Variants in C2CD3 observed in about 807,000 individuals in gnomAD.
C2CD3 encodes the protein C2 domain-containing protein 3.
C2CD3 carries 148 observed loss-of-function variants against 234.0 expected under a neutral mutation model. That is an observed-to-expected ratio of 0.63 (90% CI 0.55 to 0.72). The LOEUF (loss-of-function observed/expected upper bound fraction) is 0.72. C2CD3 is among the 30% of genes least tolerant of loss of function. The probability of loss-of-function intolerance (pLI) is 0.00; values close to 1 mark genes in which losing one functional copy is unlikely to be tolerated. For missense variants in C2CD3, 2,577 were observed against 2,811.5 expected (o/e 0.92, Z 1.89); for synonymous variants, 1,000 against 1,035.4 (o/e 0.97, Z 0.66).
At chr11:74,135,099 T>C (rs558251241) in intron 5 of C2CD3, among the ~76,000 whole-genome samples, 47 of 152,250 alleles carry the variant, frequency 3.1e-4, no homozygotes, top group African/African-American at 1.1e-3. Flanking sequence ...ATGTGTGATG[T>C]GGCAATACAA....
In C2CD3 at chr11:74,074,447, G is replaced by A. The variant is rs755944632; in HGVS notation, c.4757C>T (p.Pro1586Leu). ...GAGCTGGACCTCATCATTCCTTCTGGGGAGCTGCTCAGACTCACTGTGGCT... is the reference window on the plus strand; with the variant it reads ...GAGCTGGACCTCATCATTCCTTCTGAGGAGCTGCTCAGACTCACTGTGGCT... ...CSSHSESEQL[P>L]RRNDEVQLSP... is the part of the protein sequence containing the mutation. Residue 1586 changes from proline (P) to leucine (L), a missense_variant, in exon 24 of 33, where the codon CCC becomes CTC. Coordinates refer to ENST00000334126, the MANE Select transcript of C2CD3 (RefSeq NM_001286577.2). 6.2e-7 allele frequency: 1 copy of A among 1,614,172 alleles called. No homozygotes were observed. The highest frequency in any genetic ancestry group is 2.2e-5 in the East Asian group (1 of 44,864).
At chr11:74,117,217 T>G (rs1354875006) in intron 9 of C2CD3, among the ~76,000 whole-genome samples, 1 of 106,900 alleles carries the variant, frequency 9.4e-6, no homozygotes, top group East Asian at 2.6e-4. Context: ...TATATGAATA[T>G]ATATATATGA....
At chr11:74,134,933 C>T (rs1378560312) in intron 5 of C2CD3, among the ~76,000 whole-genome samples, 1 of 152,048 alleles carries the variant, frequency 6.6e-6, no homozygotes, top group Non-Finnish European at 1.5e-5. Context: ...CTATGTTGCC[C>T]AGGCTGGTCT....
At chr11:74,163,991 G>A (rs1004949846) in intron 2 of C2CD3, among the ~76,000 whole-genome samples, 3 of 152,114 alleles carry the variant, frequency 2.0e-5, no homozygotes, top group Admixed American at 6.5e-5. Flanking sequence ...AAGAGGCTCC[G>A]CAAAGTCATG....
intron 24 of C2CD3, among the ~76,000 whole-genome samples, chr11:74,062,477 A>C (rs1433389035): frequency 6.6e-6 from 1 of 152,200 alleles, no homozygotes; most frequent in African/African-American, 2.4e-5. Context: ...AATTCACTCA[A>C]AACTGCTCAA....
At chr11:74,116,874 GTA>G (rs1412796057) in intron 9 of C2CD3, among the ~76,000 whole-genome samples, 2 of 125,104 alleles carry the variant, frequency 1.6e-5, no homozygotes, top group African/African-American at 5.9e-5. Context: ...ACGTGTATAT[GTA>G]TATATACACA....
intron 2 of C2CD3, among the ~76,000 whole-genome samples, chr11:74,166,744 T>C (rs1285055876): frequency 6.6e-6 from 1 of 152,234 alleles, no homozygotes; most frequent in Non-Finnish European, 1.5e-5. Flanking sequence ...GGGCAGGGAA[T>C]ACATCTCAAA....
Position 74,060,286 on chromosome 11 carries a change from G to C in C2CD3, c.4952-2742C>G, listed in dbSNP as rs191813025. Among the ~76,000 whole-genome samples the C allele has an allele frequency of 1.3e-3, 198 of 152,334 alleles. 3 individuals are homozygous for C. The highest frequency in any genetic ancestry group is 4.0e-3 in the African/African-American group (166 of 41,586). On this transcript the variant is annotated intron_variant, in intron 24 of 32. Coordinates refer to ENST00000334126, the MANE Select transcript of C2CD3 (RefSeq NM_001286577.2). ...AGAGAGTAGTGGTTCTCCCAGCACG[G>C]AGTTTGAGATCTGAGAACGGACAGA...
At chr11:74,123,174 G>C (rs747720621) in intron 7 of C2CD3, 39 bp from the exon 8 acceptor site, 1 of 1,521,480 alleles carries the variant, frequency 6.6e-7, no homozygotes, top group Non-Finnish European at 9.1e-7. Context: ...AATTTTAATA[G>C]AAGTTTCAGC....
chr11:74,047,123 T>G lies in C2CD3; in HGVS notation c.5495+1082A>C, dbSNP rs553202368. On this transcript the variant is annotated intron_variant, in intron 28 of 32. Transcript: ENST00000334126. ...GCCAGGATAGGATTCCAGATCTGTC[T>G]GACCTCACAGCCCACTTTACCACCC... is the stretch of plus-strand genomic sequence containing the variant. 1.2e-4 allele frequency among the ~76,000 whole-genome samples: 19 copies of G among 152,350 alleles called. No individual in the cohort carries two copies. The South Asian group carries it at 3.9e-3, about 32-fold the overall frequency.
chr11:74,165,884 T>C lies in C2CD3; in HGVS notation c.325+2460A>G, dbSNP rs991486427. Among the ~76,000 whole-genome samples the C allele has an allele frequency of 2.0e-5, 3 of 152,172 alleles. No homozygotes were observed. In the East Asian group the frequency reaches 5.8e-4, roughly 29 times the overall value. ...ATGCATGTGGAATCTAATTTTTTTG[T>C]AGAAACAGGGTTTTACCCAGGCTGG... On this transcript the variant is annotated intron_variant, in intron 2 of 32. Coordinates refer to ENST00000334126, the MANE Select transcript of C2CD3 (RefSeq NM_001286577.2).
intron 7 of C2CD3, among the ~76,000 whole-genome samples, chr11:74,131,436 G>A (rs1957678239): frequency 6.6e-6 from 1 of 151,712 alleles, no homozygotes; most frequent in Admixed American, 6.6e-5. Flanking sequence ...TCTCATTCCT[G>A]GAATAAATCC....
chr11:74,164,061 C>A (rs996543471), intron 2 of C2CD3: 5 of 424,814 alleles, frequency 1.2e-5, no homozygotes, highest in Non-Finnish European at 1.6e-5. Flanking sequence ...TCAGTTCTAT[C>A]CAATTATAAG....
chr11:74,100,073 A>G (rs1210803082), intron 15 of C2CD3, among the ~76,000 whole-genome samples: 1 of 152,210 alleles, frequency 6.6e-6, no homozygotes, highest in East Asian at 1.9e-4. Flanking sequence ...TGTGAACAAT[A>G]CTGAAGTTCC....
chr11:74,119,428 A>G (rs895961059), intron 8 of C2CD3, among the ~76,000 whole-genome samples: 20 of 152,186 alleles, frequency 1.3e-4, no homozygotes, highest in African/African-American at 4.8e-4. Context: ...AGATGGCATT[A>G]TAGTTACTGG....
chr11:74,153,971 C>A (rs916810169), intron 3 of C2CD3, among the ~76,000 whole-genome samples: 1 of 151,334 alleles, frequency 6.6e-6, no homozygotes, highest in Non-Finnish European at 1.5e-5. Flanking sequence ...TGGGAAAGGG[C>A]AATCTTTTCA....
chr11:74,159,189 G>A (rs1244758358), intron 3 of C2CD3, among the ~76,000 whole-genome samples: 3 of 152,158 alleles, frequency 2.0e-5, no homozygotes, highest in Non-Finnish European at 2.9e-5. Context: ...TGCACTGCCA[G>A]TATAGCACAT....
At position 74,033,889 on chromosome 11, in the gene C2CD3, T is replaced by C. The variant is rs948668732; in HGVS notation, c.6271A>G (p.Ile2091Val). The C allele has an allele frequency of 6.5e-7, 1 of 1,536,092 alleles. No homozygotes were observed. Among genetic ancestry groups the C allele is most frequent in the African/African-American group, 1.4e-5 (1 of 73,058 alleles). The part of the protein sequence containing the change: ...TDKTSPWSSV[I>V]SDTSEVISPQ... Reference sequence around the variant, plus strand: ...CTGATGACCTCACTTGTGTCTGATATGACACTAGACCAAGGGCTAGTTTTG... The same window carrying C: ...CTGATGACCTCACTTGTGTCTGATACGACACTAGACCAAGGGCTAGTTTTG... The change falls in exon 31 of 33, where the codon ATA becomes GTA. Residue 2091 changes from isoleucine to valine, a missense_variant. Physicochemically the swap from Ile to Val is conservative, Grantham distance 29 (BLOSUM62 3). Transcript: ENST00000334126.
intron 16 of C2CD3, among the ~76,000 whole-genome samples, chr11:74,096,471 G>A (rs1287466865): frequency 2.8e-5 from 4 of 143,224 alleles, no homozygotes; most frequent in African/African-American, 8.0e-5. Context: ...TGATTCCCTC[G>A]GGCAAAAAAA....
Sources: gnomAD v4.1 joint callset for allele counts (sites outside exome capture counted in the v4.1 genomes callset) on GRCh38, gnomAD v4.1.1 for gene constraint, MANE v1.5 for transcripts, NCBI Gene and HGNC (gene_info 2026-07-23, HGNC 2026-07-21) for gene names.